The following ZNF438 variants were observed in gnomAD, a reference collection of about 807,000 sequenced individuals.
ZNF438 encodes zinc finger protein 438.
A neutral mutation model predicts 38.0 loss-of-function variants in ZNF438; 25 were observed. That is an observed-to-expected ratio of 0.66 (90% CI 0.48 to 0.92). ZNF438 has a LOEUF of 0.92. ZNF438 is among the 40% of genes least tolerant of loss of function. The pLI is 0.00. For missense variants in ZNF438, 1,007 were observed against 999.6 expected (o/e 1.01, Z -0.10); for synonymous variants, 372 against 364.1 (o/e 1.02, Z -0.25).
chr10:30,890,114 G>C (rs927114477), intron 3 of ZNF438, among the ~76,000 whole-genome samples: 1 of 132,208 alleles, frequency 7.6e-6, no homozygotes, highest in Admixed American at 7.5e-5. Context: ...GAAAAAAAAA[G>C]AAATGTACTA....
rs1589218583 is a variant in ZNF438, at chr10:30,923,423, C to T, written c.-114-14408G>A. ...CTTTCCCGAGCTCTGCTTCTAAATGCATAATTTTAGATTTTATAATTAAAC... is the reference window on the plus strand; with the variant it reads ...CTTTCCCGAGCTCTGCTTCTAAATGTATAATTTTAGATTTTATAATTAAAC... On this transcript the variant is annotated intron_variant, in intron 2 of 5. Transcript: ENST00000413025. 2.0e-5 allele frequency: 3 copies of T among 152,160 alleles called. No homozygotes were observed. The South Asian group carries it at 6.2e-4, about 31-fold the overall frequency. The allele number at this position is 152,160 out of a possible 1,614,324, so 9.4% of individuals were successfully genotyped here. A position where few individuals can be genotyped will look rare whatever the true frequency, so the allele number is the denominator to read the frequency against.
intron 4 of ZNF438, among the ~76,000 whole-genome samples, chr10:30,854,072 C>A (rs2034176639): frequency 1.3e-5 from 2 of 152,204 alleles, no homozygotes. Flanking sequence ...GTAATCCCAG[C>A]ACTTTGGGAG....
At chr10:30,963,392 C>CAAAAAAA (rs753557823) in intron 1 of ZNF438, among the ~76,000 whole-genome samples, 9 of 86,032 alleles carry the variant, frequency 1.0e-4, no homozygotes, top group East Asian at 3.6e-4. Flanking sequence ...AACTCCATCT[C>CAAAAAAA]AAAAAAAAAA....
chr10:30,892,304 T>C (rs1451234393), intron 3 of ZNF438, among the ~76,000 whole-genome samples: 1 of 151,732 alleles, frequency 6.6e-6, no homozygotes, highest in Non-Finnish European at 1.5e-5. Context: ...CAGGAAGAAA[T>C]TAACAATAAC....
intron 1 of ZNF438, among the ~76,000 whole-genome samples, chr10:30,961,098 A>G (rs1478241269): frequency 6.9e-6 from 1 of 144,818 alleles, no homozygotes; most frequent in Non-Finnish European, 1.6e-5. Flanking sequence ...AGAACAAAAG[A>G]TATTAATCTT....
chr10:30,942,292 T>C (rs573827055), intron 1 of ZNF438, among the ~76,000 whole-genome samples: 2 of 152,178 alleles, frequency 1.3e-5, no homozygotes, highest in Non-Finnish European at 2.9e-5. Context: ...CTTTATTTTA[T>C]ACATAAAGAG....
chr10:30,876,925 G>T, intron 4 of ZNF438, 73 bp downstream of exon 5: 1 of 1,165,104 alleles, frequency 8.6e-7, no homozygotes, highest in Non-Finnish European at 1.2e-6. Flanking sequence ...ATGATTAGAG[G>T]TCAATGACAT....
At chr10:30,886,450 G>C (rs1157056395) in intron 3 of ZNF438, among the ~76,000 whole-genome samples, 1 of 152,064 alleles carries the variant, frequency 6.6e-6, no homozygotes, top group Non-Finnish European at 1.5e-5. Flanking sequence ...TTATGATGGG[G>C]CTATATACTG....
At chr10:30,855,656 C>T (rs962448768) in intron 4 of ZNF438, among the ~76,000 whole-genome samples, 11 of 152,284 alleles carry the variant, frequency 7.2e-5, no homozygotes, top group African/African-American at 2.4e-4. Context: ...CTTAAGTGTC[C>T]ACCAACAGGG....
intron 3 of ZNF438, among the ~76,000 whole-genome samples, chr10:30,897,587 G>A (rs571338282): frequency 6.6e-6 from 1 of 152,168 alleles, no homozygotes; most frequent in African/African-American, 2.4e-5. Context: ...CATTAACAAA[G>A]CTGGCCTGAA....
Position 30,874,051 on chromosome 10 carries a change from T to C in ZNF438, c.37+2947A>G, listed in dbSNP as rs1037163931. 4.7e-5 allele frequency among the ~76,000 whole-genome samples: 7 copies of C among 149,032 alleles called. No individual in the cohort carries two copies. In the East Asian group the frequency reaches 9.7e-4, roughly 21 times the overall value. Reference sequence around the variant, plus strand: ...AACTTCTCATGTCACACAAATTATGTACATGCAATTAAACAAATATATATG... The same window carrying C: ...AACTTCTCATGTCACACAAATTATGCACATGCAATTAAACAAATATATATG... On this transcript the variant is annotated intron_variant, in intron 4 of 5. Transcript: ENST00000413025.
intron 1 of ZNF438, among the ~76,000 whole-genome samples, chr10:31,030,901 A>G (rs1233803380): frequency 6.6e-6 from 1 of 152,208 alleles, no homozygotes; most frequent in African/African-American, 2.4e-5. Context: ...CGATACAGCA[A>G]TCCTTAAAAC....
At chr10:31,018,720 G>GAGAT (rs1234910999) in intron 1 of ZNF438, among the ~76,000 whole-genome samples, 38 of 152,312 alleles carry the variant, frequency 2.5e-4, no homozygotes, top group African/African-American at 8.7e-4. Flanking sequence ...AAACAAGAGA[G>GAGAT]AGATAGGCAG....
chr10:30,985,416 T>C (rs905756490), intron 1 of ZNF438, among the ~76,000 whole-genome samples: 1 of 152,212 alleles, frequency 6.6e-6, no homozygotes, highest in African/African-American at 2.4e-5. Flanking sequence ...GCGTCTCTTT[T>C]ACATCATCAA....
At chr10:30,868,876 A>G (rs2036912760) in intron 4 of ZNF438, among the ~76,000 whole-genome samples, 1 of 152,254 alleles carries the variant, frequency 6.6e-6, no homozygotes, top group South Asian at 2.1e-4. Flanking sequence ...CTATCAAAGT[A>G]CATAAATGCT....
intron 2 of ZNF438, among the ~76,000 whole-genome samples, chr10:30,916,342 AT>A (rs1172758150): frequency 6.6e-6 from 1 of 152,074 alleles, no homozygotes; most frequent in Non-Finnish European, 1.5e-5. Context: ...AAGAAATTAA[AT>A]GCTGAATACA....
chr10:30,910,199 G>A (rs2042941894), intron 2 of ZNF438, among the ~76,000 whole-genome samples: 1 of 152,140 alleles, frequency 6.6e-6, no homozygotes, highest in African/African-American at 2.4e-5. Flanking sequence ...ATTCACCTGA[G>A]ACTATAGGTG....
chr10:30,878,876 G>GC (rs1234418429), intron 3 of ZNF438, among the ~76,000 whole-genome samples: 1 of 152,090 alleles, frequency 6.6e-6, no homozygotes, highest in African/African-American at 2.4e-5. Context: ...AGTAAACAGG[G>GC]CACCCCCATT....
chr10:30,860,901 C>G (rs2035469568), intron 4 of ZNF438, among the ~76,000 whole-genome samples: 1 of 151,850 alleles, frequency 6.6e-6, no homozygotes, highest in African/African-American at 2.4e-5. Context: ...CTCAGTGGCC[C>G]TGTGATGGGG....
Sources: gnomAD v4.1 joint callset for allele counts (sites outside exome capture counted in the v4.1 genomes callset) on GRCh38, gnomAD v4.1.1 for gene constraint, MANE v1.5 for transcripts, NCBI Gene and HGNC (gene_info 2026-07-23, HGNC 2026-07-21) for gene names.